The following GTF3C4 variants were observed in gnomAD, a reference collection of about 807,000 sequenced individuals.
GTF3C4 encodes the protein general transcription factor IIIC subunit 4, also known as general transcription factor 3C polypeptide 4.
GTF3C4 carries 28 observed loss-of-function variants against 67.5 expected under a neutral mutation model. The observed-to-expected ratio is 0.41, with a 90% CI of 0.31 to 0.57. The LOEUF is 0.57. GTF3C4 is among the 20% of genes least tolerant of loss of function. The pLI is 0.21. For synonymous variants in GTF3C4, 409 were observed against 393.0 expected (o/e 1.04, Z -0.48); for missense variants, 831 against 1,033.2 (o/e 0.80, Z 2.68).
At chr9:132,684,035 A>G (rs1835987675) in intron 3 of GTF3C4, among the ~76,000 whole-genome samples, 1 of 152,102 alleles carries the variant, frequency 6.6e-6, no homozygotes, top group Admixed American at 6.5e-5. Context: ...ATTTGGCACA[A>G]TTACTCCCTC....
rs1835888060 is a variant in GTF3C4 at position 132,678,053 on chromosome 9, T to C, written c.434T>C (p.Phe145Ser). The C allele has an allele frequency of 1.8e-5, 29 of 1,614,088 alleles. No individual in the cohort carries two copies. Among genetic ancestry groups the C allele is most frequent in the Non-Finnish European group, 2.5e-5 (29 of 1,180,036 alleles). The stretch of plus-strand genomic sequence containing the variant: ...AAGGACCCCACGGTCAGTCAGACTT[T>C]CATGTTGGATAGGGTGTTCAACCCT... ...ASKDPTVSQT[F>S]MLDRVFNPEG... is the part of the protein sequence containing the mutation. The change falls in exon 2 of 5, where the codon TTC (phenylalanine) becomes TCC (serine). Residue 145 changes from phenylalanine (F) to serine (S), a missense_variant. By Grantham distance (155) the Phe-to-Ser change is radical. This residue lies in a region of GTF3C4 where 237 missense variants were observed against 212.7 expected (regional missense o/e 1.11). Coordinates refer to ENST00000372146, the MANE Select transcript of GTF3C4 (RefSeq NM_012204.4). The surrounding 1 kb of genome is among the most constrained non-coding windows in gnomAD (Gnocchi z 6.5).
Position 132,679,249 on chromosome 9 carries a change from C to T in GTF3C4, c.1630C>T (p.Arg544Cys), listed in dbSNP as rs1835906986. The change falls in exon 2 of 5, where the codon CGC becomes TGC. Residue 544 changes from arginine (R) to cysteine (C), a missense_variant. Transcript: ENST00000372146. This position sits in a 1 kb window ranked among gnomAD's most constrained non-coding sequence, Gnocchi z 5.9. ...GCAGGTAGATTTAATAGACCTAGTACGCTGGAAGATTTTAAAAGATAAACA... is the reference window on the plus strand; with the variant it reads ...GCAGGTAGATTTAATAGACCTAGTATGCTGGAAGATTTTAAAAGATAAACA... ...FKQVDLIDLV[R>C]WKILKDKHIP... 6 of 1,613,084 alleles carry T rather than the reference C, an allele frequency of 3.7e-6. No individual in the cohort carries two copies. Among genetic ancestry groups the T allele is most frequent in the East Asian group, 2.2e-5 (1 of 44,894 alleles).
chr9:132,682,595 C>CTTTTT lies in GTF3C4; in HGVS notation c.2185-949_2185-945dup, dbSNP rs34962674. 1.7e-3 allele frequency among the ~76,000 whole-genome samples: 157 copies of CTTTTT among 92,530 alleles called. 3 individuals carry two copies. The highest frequency in any genetic ancestry group is 2.9e-3 in the East Asian group (8 of 2,752). 60.7% of individuals were successfully genotyped at this position (92,530 alleles called of 152,430 possible). On this transcript the variant is annotated intron_variant, in intron 2 of 4. Transcript: ENST00000372146. ...GACTTTTATTTTTAAACAGTATAAT[C>CTTTTT]TTTTTTTTTTTTTTTTTTTTTTTAC...
chr9:132,689,576 A>T lies in GTF3C4; in HGVS notation c.*631A>T, dbSNP rs537917283. ...CCAAGACTAAAATTTAATGTGTCAAATGATCTGGTGACTATTATAATGAAT... is the reference window on the plus strand; with the variant it reads ...CCAAGACTAAAATTTAATGTGTCAATTGATCTGGTGACTATTATAATGAAT... On this transcript the variant is annotated 3_prime_UTR_variant, in exon 5 of 5. Transcript: ENST00000372146. 6.5e-6 allele frequency: 1 copy of T among 152,770 alleles called. No homozygotes were observed. The highest frequency in any genetic ancestry group is 1.5e-5 in the Non-Finnish European group (1 of 68,484). The allele number at this position is 152,770 out of a possible 1,614,324, so 9.5% of individuals were successfully genotyped here. A position where few individuals can be genotyped will look rare whatever the true frequency, so the allele number is the denominator to read the frequency against.
intron 1 of GTF3C4, among the ~76,000 whole-genome samples, chr9:132,675,843 C>T (rs1471053451): frequency 2.0e-5 from 3 of 149,946 alleles, no homozygotes; most frequent in African/African-American, 4.9e-5. Flanking sequence ...TCTATTATGT[C>T]ATCTAGCAAT....
At chr9:132,681,791 C>T (rs1055499182) in intron 2 of GTF3C4, among the ~76,000 whole-genome samples, 9 of 152,078 alleles carry the variant, frequency 5.9e-5, no homozygotes, top group East Asian at 3.9e-4. Context: ...GAGATCAGGG[C>T]TACTGAGAAC....
intron 3 of GTF3C4, among the ~76,000 whole-genome samples, chr9:132,686,136 G>A (rs1344669164): frequency 1.3e-5 from 2 of 152,206 alleles, no homozygotes; most frequent in Non-Finnish European, 2.9e-5. Flanking sequence ...TGAGATTGGG[G>A]CCTGGGGAAG....
chr9:132,684,911 C>T (rs1053929026), intron 3 of GTF3C4, among the ~76,000 whole-genome samples: 5 of 152,030 alleles, frequency 3.3e-5, no homozygotes, highest in African/African-American at 9.7e-5. Context: ...TTTCCTTGTC[C>T]TTCCTCTAGA....
Position 132,670,748 on chromosome 9 carries a change from G to A in GTF3C4, c.150G>A (p.Met50Ile), listed in dbSNP as rs1261132986. The change falls in exon 1 of 5, where the codon ATG (methionine) becomes ATA (isoleucine). Residue 50 changes from methionine to isoleucine, a missense_variant. Met to Ile is a conservative substitution (Grantham distance 10). Coordinates refer to ENST00000372146, the MANE Select transcript of GTF3C4 (RefSeq NM_012204.4). ...APGPSAAFRL[M>I]VTRREPAVKL... ...GGCCCAGCGCTGCATTCCGCCTCAT[G>A]GTGACTCGGCGGGAGCCGGCCGTGA... The A allele has an allele frequency of 6.4e-7, 1 of 1,557,128 alleles. No homozygotes were observed. Among genetic ancestry groups the A allele is most frequent in the South Asian group, 1.2e-5 (1 of 86,000 alleles).
chr9:132,674,609 G>A (rs1179501808), intron 1 of GTF3C4, among the ~76,000 whole-genome samples: 2 of 152,156 alleles, frequency 1.3e-5, no homozygotes, highest in Non-Finnish European at 2.9e-5. Context: ...CTATTCTAAG[G>A]AGTATTGCTT....
chr9:132,676,470 C>G (rs1835866908), intron 1 of GTF3C4, among the ~76,000 whole-genome samples: 1 of 151,876 alleles, frequency 6.6e-6, no homozygotes, highest in East Asian at 1.9e-4. Context: ...GGGTGCCCAC[C>G]ACCACGCCTG....
chr9:132,680,032 T>C (rs966527709), intron 2 of GTF3C4, among the ~76,000 whole-genome samples: 2 of 152,236 alleles, frequency 1.3e-5, no homozygotes, highest in Non-Finnish European at 2.9e-5. Flanking sequence ...TTGTTAGATA[T>C]GCAAAGTTTG....
rs1388118727 is a variant in GTF3C4 at position 132,670,485 on chromosome 9, G to T, written c.-114G>T. On this transcript the variant is annotated 5_prime_UTR_variant, in exon 1 of 5. Transcript: ENST00000372146. The stretch of plus-strand genomic sequence containing the variant: ...CCTTCTTGGCTCGGCGGCGCTCGGG[G>T]CCTGAGGGGAGAAAACCGCCGCGGA... 8.7e-6 allele frequency: 9 copies of T among 1,030,692 alleles called. No individual in the cohort carries two copies. In the Admixed American group the frequency reaches 1.1e-4, roughly 13 times the overall value. 63.8% of individuals were successfully genotyped at this position (1,030,692 alleles called of 1,614,324 possible).
chr9:132,674,659 C>G (rs1248263990), intron 1 of GTF3C4, among the ~76,000 whole-genome samples: 1 of 152,226 alleles, frequency 6.6e-6, no homozygotes, highest in Non-Finnish European at 1.5e-5. Context: ...AATTTTATAT[C>G]TACCTTTCAT....
chr9:132,685,755 C>T (rs1017387602), intron 3 of GTF3C4, among the ~76,000 whole-genome samples: 4 of 152,216 alleles, frequency 2.6e-5, no homozygotes, highest in African/African-American at 9.6e-5. Context: ...AAAACATATA[C>T]TGAGTGCTAT....
In GTF3C4 at chr9:132,678,892, C is replaced by T; in HGVS notation, c.1273C>T (p.Pro425Ser). The stretch of plus-strand genomic sequence containing the variant: ...CCATGTCACAGGCCTTCACTCACTG[C>T]CAATTGTCTCCATGACTGCAGACAA... ...NSHVTGLHSLPIVSMTADKQN... is the reference protein window; with the variant it reads ...NSHVTGLHSLSIVSMTADKQN... Residue 425 changes from proline (P) to serine (S), a missense_variant, in exon 2 of 5, where the codon CCA becomes TCA. By Grantham distance (74) the Pro-to-Ser change is moderately conservative. Transcript: ENST00000372146. This position sits in a 1 kb window ranked among gnomAD's most constrained non-coding sequence, Gnocchi z 6.5. 1.2e-6 allele frequency: 2 copies of T among 1,614,178 alleles called. No homozygotes were observed. Among genetic ancestry groups the T allele is most frequent in the South Asian group, 2.2e-5 (2 of 91,078 alleles).
At chr9:132,683,845 AC>A in intron 3 of GTF3C4, 152 bp downstream of exon 3, 1 of 738,656 alleles carries the variant, frequency 1.4e-6, no homozygotes, top group Non-Finnish European at 2.1e-6. Flanking sequence ...CCTGATGTGG[AC>A]TTTTTTCATC....
At chr9:132,677,850 G>T in intron 1 of GTF3C4, 127 bp from the exon 2 acceptor site, 1 of 754,154 alleles carries the variant, frequency 1.3e-6, no homozygotes, top group Non-Finnish European at 2.2e-6. Flanking sequence ...CATCTCTCTT[G>T]CATATATTAA....
rs1244747570 is a variant in GTF3C4 at position 132,694,747 on chromosome 9, T to G, written c.*5802T>G. On this transcript the variant is annotated 3_prime_UTR_variant, in exon 5 of 5. Transcript: ENST00000372146. ...TTGATGAACTACCATTGGTTTTAGC[T>G]CTTTCTCATTTGGGATTCCCCTCAA... The G allele has an allele frequency of 1.3e-5, 2 of 152,212 alleles. No homozygotes were observed. The highest frequency in any genetic ancestry group is 6.5e-5 in the Admixed American group (1 of 15,286). 9.4% of individuals were successfully genotyped at this position (152,212 alleles called of 1,614,324 possible). A position where few individuals can be genotyped will look rare whatever the true frequency, so the allele number is the denominator to read the frequency against.
Sources: gnomAD v4.1 joint callset for allele counts (sites outside exome capture counted in the v4.1 genomes callset) on GRCh38, gnomAD v4.1.1 for gene constraint, gnomAD v4.1.1 regional missense constraint, Gnocchi (gnomAD v3.1) non-coding constraint, MANE v1.5 for transcripts, NCBI Gene and HGNC (gene_info 2026-07-23, HGNC 2026-07-21) for gene names.